ACOXL: variants seen among roughly 807,000 people sequenced by gnomAD.
ACOXL encodes acyl-coenzyme A oxidase-like protein.
Under a neutral mutation model 71.9 loss-of-function variants are expected in ACOXL, and 70 were observed. The observed-to-expected ratio is 0.97, with a 90% confidence interval of 0.80 to 1.19. The LOEUF (loss-of-function observed/expected upper bound fraction) is 1.19. ACOXL is among the 50% of genes most tolerant of loss of function. The pLI is 0.00. For synonymous variants in ACOXL, 253 were observed against 281.6 expected (o/e 0.90, Z 1.02); for missense variants, 703 against 736.3 (o/e 0.95, Z 0.52).
intron 10 of ACOXL, among the ~76,000 whole-genome samples, chr2:110,871,790 G>T (rs1695314533): frequency 6.6e-6 from 1 of 152,188 alleles, no homozygotes; most frequent in Non-Finnish European, 1.5e-5. Context: ...TCCAGGCACT[G>T]TTTGGAGACC....
At chr2:110,807,473 A>G (rs1686808471) in intron 9 of ACOXL, among the ~76,000 whole-genome samples, 2 of 152,216 alleles carry the variant, frequency 1.3e-5, no homozygotes, top group East Asian at 3.8e-4. Context: ...AATGCTGGGT[A>G]CCCTCGCCTC....
intron 14 of ACOXL, among the ~76,000 whole-genome samples, chr2:111,027,404 C>G (rs1286962080): frequency 1.3e-5 from 2 of 151,900 alleles, no homozygotes; most frequent in Non-Finnish European, 2.9e-5. Flanking sequence ...TCACTACAAC[C>G]TCCACCTCCT....
At chr2:110,878,982 G>A (rs554448221) in intron 10 of ACOXL, among the ~76,000 whole-genome samples, 17 of 151,806 alleles carry the variant, frequency 1.1e-4, no homozygotes, top group African/African-American at 4.1e-4. Flanking sequence ...GCTTCATCCC[G>A]GGAGGCGGAG....
chr2:111,046,907 G>T (rs1196248004), intron 15 of ACOXL, among the ~76,000 whole-genome samples: 1 of 152,206 alleles, frequency 6.6e-6, no homozygotes, highest in Non-Finnish European at 1.5e-5. Flanking sequence ...AGGAATGCAG[G>T]CCATAGGCAT....
Position 110,887,211 on chromosome 2 carries a change from A to T in ACOXL, c.789-21578A>T, listed in dbSNP as rs527813125. ...GAAAGTGAAAATTGGCTTCTATTAC[A>T]CAATGCATCAAAATTCTTTTGTATA... On this transcript the variant is annotated intron_variant, in intron 10 of 17. Coordinates refer to ENST00000439055, the MANE Select transcript of ACOXL (RefSeq NM_001142807.4). 4.2e-5 allele frequency: 9 copies of T among 215,688 alleles called. No individual in the cohort carries two copies. In the East Asian group the frequency reaches 9.6e-4, roughly 23 times the overall value. 13.4% of individuals were successfully genotyped at this position (215,688 alleles called of 1,614,324 possible).
At chr2:111,040,010 G>A (rs1431766989) in intron 15 of ACOXL, among the ~76,000 whole-genome samples, 3 of 152,144 alleles carry the variant, frequency 2.0e-5, no homozygotes, top group African/African-American at 7.2e-5. Flanking sequence ...ATCATTCTTC[G>A]ATCCTGAGCA....
intron 16 of ACOXL, among the ~76,000 whole-genome samples, chr2:111,091,937 A>G (rs1364767960): frequency 6.6e-6 from 1 of 152,198 alleles, no homozygotes; most frequent in Admixed American, 6.5e-5. Context: ...TCTGAGTCTG[A>G]TAAGCCATAG....
intron 11 of ACOXL, among the ~76,000 whole-genome samples, chr2:110,915,333 A>ATT (rs760077668): frequency 3.0e-5 from 3 of 99,238 alleles, no homozygotes; most frequent in African/African-American, 1.2e-4. Flanking sequence ...TGTTATATGC[A>ATT]TTTTATATAT....
chr2:110,880,307 C>G (rs2149090297), intron 10 of ACOXL, among the ~76,000 whole-genome samples: 1 of 152,314 alleles, frequency 6.6e-6, no homozygotes, highest in Non-Finnish European at 1.5e-5. Flanking sequence ...GTCCTAGTCA[C>G]AGGGAGCAAG....
intron 11 of ACOXL, among the ~76,000 whole-genome samples, chr2:110,928,237 G>A (rs2060351204): frequency 6.6e-6 from 1 of 152,158 alleles, no homozygotes; most frequent in African/African-American, 2.4e-5. Flanking sequence ...CATTTACCAG[G>A]CACTGTCCTA....
chr2:110,839,220 A>G (rs780439670), intron 9 of ACOXL, among the ~76,000 whole-genome samples: 2 of 152,122 alleles, frequency 1.3e-5, no homozygotes, highest in Non-Finnish European at 2.9e-5. Flanking sequence ...AAAGCCACCA[A>G]TTAAACTGTA....
chr2:111,032,901 G>C lies in ACOXL; in HGVS notation c.1369+1187G>C, dbSNP rs1034410128. 5.9e-5 allele frequency among the ~76,000 whole-genome samples: 9 copies of C among 152,326 alleles called. No individual in the cohort carries two copies. In the East Asian group the frequency reaches 1.5e-3, roughly 26 times the overall value. On this transcript the variant is annotated intron_variant, in intron 15 of 17. Transcript: ENST00000439055. The stretch of plus-strand genomic sequence containing the variant: ...AGCCGCCCTAGGAGCTCTGATGAGA[G>C]CTGGATTGGAGTGAGTGCTTTAGGC...
intron 12 of ACOXL, among the ~76,000 whole-genome samples, chr2:110,970,148 T>C (rs1456043873): frequency 1.2e-4 from 19 of 152,152 alleles, no homozygotes. Context: ...AGGCTAGTAT[T>C]ACTCTGATAC....
intron 10 of ACOXL, among the ~76,000 whole-genome samples, chr2:110,864,143 A>G (rs1402313479): frequency 6.6e-6 from 1 of 152,178 alleles, no homozygotes; most frequent in Non-Finnish European, 1.5e-5. Flanking sequence ...CATGAGAGCC[A>G]AAGACCCAAG....
chr2:110,793,376 A>T (rs113355966), intron 3 of ACOXL, among the ~76,000 whole-genome samples: 1 of 152,230 alleles, frequency 6.6e-6, no homozygotes, highest in Non-Finnish European at 1.5e-5. Context: ...ATGAGCTTTC[A>T]GAGCATTCAT....
intron 9 of ACOXL, among the ~76,000 whole-genome samples, chr2:110,838,422 C>G (rs1465611235): frequency 6.6e-6 from 1 of 152,230 alleles, no homozygotes; most frequent in East Asian, 1.9e-4. Context: ...GTTGCTGATG[C>G]ATCAGAGCAG....
In ACOXL at chr2:110,908,236, C is replaced by T. The variant is rs142580647; in HGVS notation, c.789-553C>T. Among the ~76,000 whole-genome samples the T allele has an allele frequency of 1.2e-3, 179 of 152,292 alleles. 1 individual carries two copies. The highest frequency in any genetic ancestry group is 4.2e-3 in the African/African-American group (173 of 41,556). On this transcript the variant is annotated intron_variant, in intron 10 of 17. Coordinates refer to ENST00000439055, the MANE Select transcript of ACOXL (RefSeq NM_001142807.4). ...CTGACATAGCAGCCTCAGAGTGCAA[C>T]GCAGATGCTGTCTGCAGGGCACAGG...
At chr2:111,079,939 GTT>G (rs2067815051) in intron 16 of ACOXL, among the ~76,000 whole-genome samples, 1 of 150,630 alleles carries the variant, frequency 6.6e-6, no homozygotes, top group Non-Finnish European at 1.5e-5. Context: ...CTTCTTCCTG[GTT>G]TAGTCTTGGG....
chr2:110,756,383 C>T (rs1185953823), intron 1 of ACOXL, among the ~76,000 whole-genome samples: 1 of 152,204 alleles, frequency 6.6e-6, no homozygotes, highest in Non-Finnish European at 1.5e-5. Flanking sequence ...CCCACATTGG[C>T]CTCCCAAAGT....
Sources: gnomAD v4.1 joint callset for allele counts (sites outside exome capture counted in the v4.1 genomes callset) on GRCh38, gnomAD v4.1.1 for gene constraint, MANE v1.5 for transcripts, NCBI Gene and HGNC (gene_info 2026-07-23, HGNC 2026-07-21) for gene names.